GRIK4: variants seen among roughly 807,000 people sequenced by gnomAD.
GRIK4 encodes the protein glutamate receptor ionotropic, kainate 4.
In GRIK4, 40 loss-of-function variants were observed where a neutral mutation model predicts 104.9. The observed-to-expected ratio is 0.38, with a 90% CI of 0.30 to 0.50. The LOEUF (loss-of-function observed/expected upper bound fraction) is 0.50. GRIK4 is among the 20% of genes least tolerant of loss of function. The probability of loss-of-function intolerance (pLI) is 0.93; values close to 1 mark genes in which losing one functional copy is unlikely to be tolerated. For synonymous variants in GRIK4, 485 were observed against 524.9 expected (o/e 0.92, Z 1.04); for missense variants, 1,047 against 1,308.1 (o/e 0.80, Z 3.08).
intron 3 of GRIK4, among the ~76,000 whole-genome samples, chr11:120,795,299 G>A (rs2135499511): frequency 6.6e-6 from 1 of 152,296 alleles, no homozygotes. Flanking sequence ...CTGAGAATGT[G>A]TGGAGGGAGA....
At chr11:120,619,877 T>TC in intron 1 of GRIK4, 1 of 125,832 alleles carries the variant, frequency 7.9e-6, no homozygotes, top group Non-Finnish European at 1.5e-5. Flanking sequence ...CTGCTATTTC[T>TC]TTTTTTTTTT....
At chr11:120,910,661 A>T (rs1942970791) in intron 13 of GRIK4, among the ~76,000 whole-genome samples, 2 of 152,270 alleles carry the variant, frequency 1.3e-5, no homozygotes, top group Admixed American at 6.5e-5. Flanking sequence ...CAGTACATTT[A>T]CATGGATGTA....
intron 1 of GRIK4, among the ~76,000 whole-genome samples, chr11:120,645,909 A>T (rs1288209870): frequency 1.3e-5 from 2 of 152,198 alleles, no homozygotes; most frequent in African/African-American, 4.8e-5. Context: ...GTTGCTGAGC[A>T]CAGCAGGTGG....
intron 12 of GRIK4, among the ~76,000 whole-genome samples, chr11:120,901,570 C>G (rs902188787): frequency 7.9e-5 from 12 of 152,178 alleles, no homozygotes; most frequent in Admixed American, 3.9e-4. Flanking sequence ...ACCTCCCCTT[C>G]TAGGATGAGA....
At chr11:120,740,930 A>G (rs749806655) in intron 3 of GRIK4, among the ~76,000 whole-genome samples, 1 of 152,174 alleles carries the variant, frequency 6.6e-6, no homozygotes, top group Non-Finnish European at 1.5e-5. Context: ...CTGAGACTGC[A>G]CTGAGTGTCC....
chr11:120,799,002 A>G (rs571854811), intron 3 of GRIK4, among the ~76,000 whole-genome samples: 2 of 152,176 alleles, frequency 1.3e-5, no homozygotes, highest in East Asian at 3.9e-4. Context: ...TCCGGAGCAG[A>G]CCCTTTGGTG....
rs549822751 is a variant in GRIK4 at position 120,860,689 on chromosome 11, T to C, written c.745-1270T>C. Reference sequence around the variant, plus strand: ...CTCTCTCATCCATATCCTCCATGCCTAGAACCATGTCTGGCACATGATAAA... The same window carrying C: ...CTCTCTCATCCATATCCTCCATGCCCAGAACCATGTCTGGCACATGATAAA... On this transcript the variant is annotated intron_variant, in intron 8 of 20. Transcript: ENST00000527524. Among the ~76,000 whole-genome samples, 33 of 152,346 alleles carry C rather than the reference T, an allele frequency of 2.2e-4. No homozygotes were observed. In the South Asian group the frequency reaches 6.8e-3, roughly 32 times the overall value.
At chr11:120,516,857 T>A (rs1236619205) in intron 1 of GRIK4, among the ~76,000 whole-genome samples, 2 of 151,998 alleles carry the variant, frequency 1.3e-5, no homozygotes, top group Non-Finnish European at 2.9e-5. Context: ...TGACAGTGCG[T>A]GCCTGGATGC....
intron 6 of GRIK4, among the ~76,000 whole-genome samples, chr11:120,823,020 T>C (rs1180013280): frequency 6.6e-6 from 1 of 152,182 alleles, no homozygotes; most frequent in Admixed American, 6.5e-5. Context: ...TGTAACAGGC[T>C]CAAGGATTCT....
intron 1 of GRIK4, among the ~76,000 whole-genome samples, chr11:120,561,676 G>T (rs1220426295): frequency 6.6e-6 from 1 of 152,260 alleles, no homozygotes; most frequent in Non-Finnish European, 1.5e-5. Flanking sequence ...AGAAGGCGAT[G>T]TGGGTAAGGC....
chr11:120,704,011 T>G (rs1278998289), intron 3 of GRIK4, among the ~76,000 whole-genome samples: 1 of 152,240 alleles, frequency 6.6e-6, no homozygotes, highest in Non-Finnish European at 1.5e-5. Flanking sequence ...GATTTCTGAG[T>G]TTCCGTTCAC....
chr11:120,774,343 T>G (rs1184541520), intron 3 of GRIK4, among the ~76,000 whole-genome samples: 1 of 152,130 alleles, frequency 6.6e-6, no homozygotes, highest in Non-Finnish European at 1.5e-5. Context: ...TGTGTATTTG[T>G]GTGTGTGGAG....
At chr11:120,925,373 T>C (rs1943321048) in intron 13 of GRIK4, among the ~76,000 whole-genome samples, 1 of 152,146 alleles carries the variant, frequency 6.6e-6, no homozygotes, top group Admixed American at 6.5e-5. Flanking sequence ...AGGCCAGCTT[T>C]ACACAGGCCC....
intron 13 of GRIK4, among the ~76,000 whole-genome samples, chr11:120,930,826 G>C (rs1034107840): frequency 2.6e-5 from 4 of 152,192 alleles, no homozygotes; most frequent in African/African-American, 9.7e-5. Flanking sequence ...CAGTGTCTGG[G>C]AGAGGAGTGA....
intron 6 of GRIK4, among the ~76,000 whole-genome samples, chr11:120,823,165 A>G (rs923241551): frequency 3.0e-4 from 46 of 152,326 alleles, no homozygotes; most frequent in African/African-American, 8.4e-4. Flanking sequence ...GTCTTCCTCA[A>G]TGCTGGTACA....
intron 1 of GRIK4, among the ~76,000 whole-genome samples, chr11:120,547,515 G>T (rs918102664): frequency 3.3e-5 from 5 of 152,102 alleles, no homozygotes; most frequent in Admixed American, 6.6e-5. Context: ...AGTCAGATAA[G>T]GGGAGGGAGG....
Position 120,802,837 on chromosome 11 carries a change from A to G in GRIK4, c.227A>G (p.Glu76Gly). The G allele has an allele frequency of 6.2e-7, 1 of 1,614,222 alleles. No homozygotes were observed. The highest frequency in any genetic ancestry group is 8.5e-7 in the Non-Finnish European group (1 of 1,180,022). ...VDIFELLRDS[E>G]YETAETMCQI... is the part of the protein sequence containing the mutation. ...ATCTTTGAGCTTCTCAGAGACAGCG[A>G]GTACGAGACTGCAGAAACCAGTACG... The change falls in exon 4 of 21, where the codon GAG becomes GGG. Residue 76 changes from glutamate (E) to glycine (G), a missense_variant. Physicochemically the swap from Glu to Gly is moderately conservative, Grantham distance 98. Around this residue, in one of 3 missense-constraint regions of GRIK4, gnomAD observed 447 missense variants for 514.9 expected, o/e 0.87. Coordinates refer to ENST00000527524, the MANE Select transcript of GRIK4 (RefSeq NM_014619.5).
At chr11:120,709,063 G>A (rs1950679970) in intron 3 of GRIK4, among the ~76,000 whole-genome samples, 1 of 152,144 alleles carries the variant, frequency 6.6e-6, no homozygotes, top group Non-Finnish European at 1.5e-5. Flanking sequence ...GCCAGGTCAG[G>A]AGTCCGGAGT....
chr11:120,641,971 C>T (rs1167365706), intron 1 of GRIK4, among the ~76,000 whole-genome samples: 1 of 152,194 alleles, frequency 6.6e-6, no homozygotes, highest in Non-Finnish European at 1.5e-5. Context: ...TCTCTGACCA[C>T]CCCCGCTTCC....
Sources: allele counts gnomAD v4.1 joint callset (sites outside exome capture counted in the v4.1 genomes callset), GRCh38; gene constraint gnomAD v4.1.1; regional missense constraint gnomAD v4.1.1; transcripts MANE v1.5; gene names NCBI Gene and HGNC (gene_info 2026-07-23, HGNC 2026-07-21).